Variants in CFAP47 observed in about 807,000 individuals in gnomAD.
CFAP47 encodes cilia- and flagella-associated protein 47.
CFAP47 carries 29 observed loss-of-function variants against 148.1 expected under a neutral mutation model. The observed-to-expected ratio is 0.20, with a 90% CI of 0.15 to 0.27. The LOEUF is 0.27. Ranked by LOEUF, CFAP47 falls within the 10% of genes least tolerant of loss-of-function variation. CFAP47 has a pLI of 1.00. For synonymous variants in CFAP47, 664 were observed against 577.3 expected (o/e 1.15, Z -2.15); for missense variants, 1,872 against 1,697.5 (o/e 1.10, Z -1.81).
intron 45 of CFAP47, chrX:36,211,233 G>T: frequency 4.3e-6 from 1 of 234,524 alleles, no homozygotes; most frequent in Admixed American, 4.4e-5. Context: ...GTTTCTCAGA[G>T]TTTTCTAAGA....
At chrX:36,165,071 T>C (rs1444023058) in intron 39 of CFAP47, among the ~76,000 whole-genome samples, 1 of 112,102 alleles carries the variant, frequency 8.9e-6, no homozygotes, top group Admixed American at 9.5e-5. Context: ...GACTGACTTA[T>C]TTCACTTAGC....
chrX:35,978,345 G>T (rs1352081215), intron 15 of CFAP47, among the ~76,000 whole-genome samples: 2 of 111,875 alleles, frequency 1.8e-5, no homozygotes, highest in Non-Finnish European at 3.8e-5. Context: ...ATGCAATGAT[G>T]ATACTTAATT....
intron 50 of CFAP47, among the ~76,000 whole-genome samples, chrX:36,282,151 G>C (rs1411464032): frequency 9.0e-6 from 1 of 110,640 alleles, no homozygotes; most frequent in Non-Finnish European, 1.9e-5. Flanking sequence ...GCAATATCCA[G>C]TTGCCAATTG....
intron 33 of CFAP47, among the ~76,000 whole-genome samples, chrX:36,105,609 G>A (rs916427846): frequency 9.0e-6 from 1 of 111,628 alleles, no homozygotes; most frequent in African/African-American, 3.3e-5. Context: ...TTTGAGAACA[G>A]CAAACATAGA....
chrX:36,242,451 C>T (rs1222851594), intron 48 of CFAP47, among the ~76,000 whole-genome samples: 2 of 111,574 alleles, frequency 1.8e-5, no homozygotes, highest in African/African-American at 6.5e-5. Flanking sequence ...ATCCAAGGAG[C>T]TGAAAAGTGA....
intron 19 of CFAP47, among the ~76,000 whole-genome samples, chrX:35,997,785 T>C (rs2055412362): frequency 8.9e-6 from 1 of 111,828 alleles, no homozygotes; most frequent in Non-Finnish European, 1.9e-5. Flanking sequence ...GTACTATTTG[T>C]AGCCTTTGGT....
At chrX:35,976,906 C>G (rs1266995155) in intron 15 of CFAP47, among the ~76,000 whole-genome samples, 1 of 111,420 alleles carries the variant, frequency 9.0e-6, no homozygotes, top group Non-Finnish European at 1.9e-5. Flanking sequence ...TCTGCCATTC[C>G]CTGGAGTCTA....
intron 1 of CFAP47, among the ~76,000 whole-genome samples, chrX:35,922,040 T>A (rs1383737508): frequency 9.0e-6 from 1 of 111,274 alleles, no homozygotes; most frequent in Non-Finnish European, 1.9e-5. Context: ...TTCAATAACA[T>A]CCTTCAATCT....
intron 8 of CFAP47, among the ~76,000 whole-genome samples, chrX:35,958,875 A>G (rs1023387172): frequency 8.9e-6 from 1 of 112,022 alleles, no homozygotes; most frequent in African/African-American, 3.2e-5. Flanking sequence ...TGAACCCTAT[A>G]TACTCTCAGG....
Position 35,967,609 on chromosome X carries a change from T to A in CFAP47, c.1601-10T>A, listed in dbSNP as rs1469644300. 3.4e-6 allele frequency: 4 copies of A among 1,177,956 alleles called. No homozygotes were observed. In the African/African-American group the frequency reaches 5.3e-5, roughly 16 times the overall value. On this transcript the variant is annotated splice_polypyrimidine_tract_variant and intron_variant, in intron 9 of 63. Coordinates refer to ENST00000378653, the MANE Select transcript of CFAP47 (RefSeq NM_001304548.2). ...TACCATCTATAAACTTATATTCAATTCTATAAAAGGTATATTGCCTTCGAT... is the reference window on the plus strand; with the variant it reads ...TACCATCTATAAACTTATATTCAATACTATAAAAGGTATATTGCCTTCGAT...
At chrX:36,256,500 GT>G (rs782576374) in intron 49 of CFAP47, among the ~76,000 whole-genome samples, 11 of 111,590 alleles carry the variant, frequency 9.9e-5, no homozygotes, top group Non-Finnish European at 2.1e-4. Context: ...ATTTGCTCCA[GT>G]TGTTCTTTAA....
chrX:36,234,612 A>G (rs1292344349), intron 46 of CFAP47, among the ~76,000 whole-genome samples: 2 of 111,962 alleles, frequency 1.8e-5, no homozygotes, highest in East Asian at 2.8e-4. Flanking sequence ...TCTTCTCTCA[A>G]CTCGTCAAAG....
At chrX:36,116,217 A>G (rs985444369) in intron 33 of CFAP47, among the ~76,000 whole-genome samples, 1 of 110,893 alleles carries the variant, frequency 9.0e-6, no homozygotes, top group African/African-American at 3.3e-5. Context: ...ACCTCCTCCC[A>G]CTCTCAACCC....
At chrX:36,152,879 G>T (rs184791355) in intron 37 of CFAP47, among the ~76,000 whole-genome samples, 7 of 110,857 alleles carry the variant, frequency 6.3e-5, no homozygotes, top group East Asian at 2.9e-4. Context: ...TGAACTTGGT[G>T]GGGGGGACAC....
At chrX:36,283,503 TC>T (rs1941101262) in intron 50 of CFAP47, among the ~76,000 whole-genome samples, 1 of 111,979 alleles carries the variant, frequency 8.9e-6, no homozygotes, top group African/African-American at 3.2e-5. Flanking sequence ...AGATACTTGG[TC>T]AACTTTATTT....
intron 37 of CFAP47, among the ~76,000 whole-genome samples, chrX:36,153,843 A>T (rs73197158): frequency 0.037 from 4,076 of 111,508 alleles, 110 homozygotes; most frequent in African/African-American, 0.087. Flanking sequence ...TGGACAGTAG[A>T]GCCTTGAGGC....
At chrX:36,092,796 AATT>A (rs1477914791) in intron 30 of CFAP47, among the ~76,000 whole-genome samples, 1 of 110,281 alleles carries the variant, frequency 9.1e-6, no homozygotes, top group Admixed American at 9.7e-5. Flanking sequence ...TGAAAAATTA[AATT>A]ATTATTGACT....
chrX:35,953,924 G>A (rs1184473006), intron 7 of CFAP47, among the ~76,000 whole-genome samples: 1 of 111,050 alleles, frequency 9.0e-6, no homozygotes, highest in Non-Finnish European at 1.9e-5. Flanking sequence ...AATTTTCCAG[G>A]TTGGAAGTTA....
intron 22 of CFAP47, among the ~76,000 whole-genome samples, chrX:36,029,258 A>C (rs1451302872): frequency 9.0e-6 from 1 of 110,892 alleles, no homozygotes; most frequent in Non-Finnish European, 1.9e-5. Flanking sequence ...GATTGTGTCT[A>C]TTTGAATCTT....
Sources: allele counts gnomAD v4.1 joint callset (sites outside exome capture counted in the v4.1 genomes callset), GRCh38; gene constraint gnomAD v4.1.1; transcripts MANE v1.5; gene names NCBI Gene and HGNC (gene_info 2026-07-23, HGNC 2026-07-21).